MEI1: variants seen among roughly 807,000 people sequenced by gnomAD.
MEI1 encodes the protein meiotic double-stranded break formation protein 1.
A neutral mutation model predicts 146.2 loss-of-function variants in MEI1; 103 were observed. The ratio of observed to expected loss-of-function variants is 0.70; its 90% CI spans 0.60 to 0.83. The LOEUF is 0.83. Ranked by LOEUF, MEI1 falls within the 40% of genes least tolerant of loss-of-function variation. MEI1 has a pLI of 0.00. For missense variants in MEI1, 1,529 were observed against 1,533.0 expected (o/e 1.00, Z 0.04); for synonymous variants, 652 against 628.2 (o/e 1.04, Z -0.57).
At chr22:41,710,698 ATGT>A (rs923426312) in intron 3 of MEI1, among the ~76,000 whole-genome samples, 12 of 152,164 alleles carry the variant, frequency 7.9e-5, no homozygotes, top group South Asian at 2.1e-4. Context: ...AATCCAAGTG[ATGT>A]TGTGCAGAAT....
intron 4 of MEI1, among the ~76,000 whole-genome samples, chr22:41,714,586 G>C (rs1461680532): frequency 6.6e-6 from 1 of 151,988 alleles, no homozygotes; most frequent in Non-Finnish European, 1.5e-5. Flanking sequence ...AAAGAAATTA[G>C]TTAGCCAGGC....
At chr22:41,776,620 C>T (rs73885816) in intron 21 of MEI1, among the ~76,000 whole-genome samples, 1,581 of 152,096 alleles carry the variant, frequency 0.01, 27 homozygotes, top group African/African-American at 0.037. Flanking sequence ...AGCAGCAGTC[C>T]GCAGGGGCTG....
At position 41,730,558 on chromosome 22, in the gene MEI1, G is replaced by C. The variant is rs751757895; in HGVS notation, c.1017G>C (p.Val339=). The change falls in exon 9 of 31, where the codon GTG becomes GTC. Residue 339 remains valine, a synonymous_variant. Transcript: ENST00000401548. ...AGCATCTTTCTTCTTCCAGTGAAGTGCTCGTCTGGTCCAGCTGTAACTGCT... is the reference window on the plus strand; with the variant it reads ...AGCATCTTTCTTCTTCCAGTGAAGTCCTCGTCTGGTCCAGCTGTAACTGCT... ...LFEHLSSSSE[V]LVWSSCNCLT... is the part of the protein sequence containing the mutation. 1 of 1,613,840 alleles carries C rather than the reference G, an allele frequency of 6.2e-7. No individual in the cohort carries two copies. Among genetic ancestry groups the C allele is most frequent in the South Asian group, 1.1e-5 (1 of 91,078 alleles).
chr22:41,775,158 A>G (rs1434600827), intron 20 of MEI1, among the ~76,000 whole-genome samples: 4 of 152,198 alleles, frequency 2.6e-5, no homozygotes, highest in East Asian at 1.9e-4. Flanking sequence ...TGTCTTTAAC[A>G]TATACTCACT....
intron 4 of MEI1, 132 bp downstream of exon 4, chr22:41,714,207 G>T (rs2069878653): frequency 2.5e-6 from 2 of 805,790 alleles, no homozygotes; most frequent in Non-Finnish European, 4.0e-6. Context: ...TGAGTTGGTG[G>T]CAGAGTCAGA....
Position 41,737,741 on chromosome 22 carries a change from A to G in MEI1, c.1331+5138A>G, listed in dbSNP as rs200201180. On this transcript the variant is annotated intron_variant, in intron 11 of 30. Coordinates refer to ENST00000401548, the MANE Select transcript of MEI1 (RefSeq NM_152513.4). The stretch of plus-strand genomic sequence containing the variant: ...GTTTTGTACCCCGCCTCCCCCCACT[A>G]AAATATAAGCTCCAGGAGCTAAAGG... 1.6e-4 allele frequency among the ~76,000 whole-genome samples: 24 copies of G among 152,124 alleles called. No individual in the cohort carries two copies. In the East Asian group the frequency reaches 3.1e-3, roughly 20 times the overall value.
chr22:41,706,372 G>A (rs937140441), intron 3 of MEI1, among the ~76,000 whole-genome samples: 1 of 152,048 alleles, frequency 6.6e-6, no homozygotes, highest in Non-Finnish European at 1.5e-5. Flanking sequence ...CAGGCACTAC[G>A]GATACATAGA....
intron 3 of MEI1, among the ~76,000 whole-genome samples, chr22:41,710,323 G>C (rs905821230): frequency 2.0e-5 from 3 of 152,162 alleles, no homozygotes; most frequent in Admixed American, 6.5e-5. Flanking sequence ...AAGCCATCCA[G>C]TCTGTGGTAT....
Position 41,705,554 on chromosome 22 carries a change from G to T in MEI1, c.349G>T (p.Val117Phe). Residue 117 changes from valine to phenylalanine, a missense_variant and splice_region_variant, in exon 3 of 31, where the codon GTC becomes TTC. Physicochemically the swap from Val to Phe is conservative, Grantham distance 50. This residue lies in a region of MEI1 where 1,212 missense variants were observed against 1,178.9 expected (regional missense o/e 1.03). Transcript: ENST00000401548. Reference protein sequence around the residue: ...DGSVTDLCIEVLIQITTQLKL... With the variant: ...DGSVTDLCIEFLIQITTQLKL... ...GAGTGTGACAGACCTCTGTATTGAA[G>T]GTAAGTTGAAACCTTGTATCTAGCA... 1 of 1,612,882 alleles carries T rather than the reference G, an allele frequency of 6.2e-7. No individual in the cohort carries two copies. The highest frequency in any genetic ancestry group is 8.5e-7 in the Non-Finnish European group (1 of 1,179,046).
At chr22:41,733,129 CT>C (rs1400634531) in intron 11 of MEI1, among the ~76,000 whole-genome samples, 2 of 150,636 alleles carry the variant, frequency 1.3e-5, no homozygotes, top group African/African-American at 4.9e-5. Flanking sequence ...CACGTACAGA[CT>C]TTTTTTCTTG....
At chr22:41,757,546 G>A (rs775671187) in intron 17 of MEI1, among the ~76,000 whole-genome samples, 8 of 151,852 alleles carry the variant, frequency 5.3e-5, no homozygotes, top group Admixed American at 1.3e-4. Flanking sequence ...TTGTAGGGAC[G>A]GGGTTTCACT....
chr22:41,722,514 A>G (rs1175557419), intron 6 of MEI1, among the ~76,000 whole-genome samples: 1 of 132,554 alleles, frequency 7.5e-6, no homozygotes, highest in Non-Finnish European at 1.5e-5. Flanking sequence ...CACTATGCTC[A>G]TAAGCTGTTT....
chr22:41,749,357 C>T (rs1476707901), intron 15 of MEI1, among the ~76,000 whole-genome samples: 1 of 151,918 alleles, frequency 6.6e-6, no homozygotes, highest in Admixed American at 6.6e-5. Flanking sequence ...CTCACCGCAA[C>T]CTCCGCCTCC....
At chr22:41,716,287 T>C in intron 5 of MEI1, 141 bp downstream of exon 5, 1 of 585,442 alleles carries the variant, frequency 1.7e-6, no homozygotes, top group Non-Finnish European at 3.0e-6. Flanking sequence ...CTGCAAAATG[T>C]ACTGTATGTC....
chr22:41,703,295 G>T, intron 1 of MEI1, 36 bp from the exon 2 acceptor site: 1 of 1,602,694 alleles, frequency 6.2e-7, no homozygotes. Flanking sequence ...GCCAAAATTT[G>T]GTTGCTATTG....
chr22:41,774,363 C>G (rs2075336059), intron 20 of MEI1: 1 of 152,220 alleles, frequency 6.6e-6, no homozygotes. Context: ...GGGACCACCT[C>G]TGTGGCAGTG....
At chr22:41,734,676 C>T (rs962478285) in intron 11 of MEI1, among the ~76,000 whole-genome samples, 3 of 152,122 alleles carry the variant, frequency 2.0e-5, no homozygotes, top group African/African-American at 4.8e-5. Flanking sequence ...TTCGCTCTGT[C>T]GCCCAGGCTG....
chr22:41,739,655 C>G (rs1483466595), intron 11 of MEI1, among the ~76,000 whole-genome samples: 1 of 151,804 alleles, frequency 6.6e-6, no homozygotes, highest in Non-Finnish European at 1.5e-5. Context: ...GACATGAATT[C>G]TAGAGTGGGA....
At chr22:41,706,025 C>T (rs995247601) in intron 3 of MEI1, among the ~76,000 whole-genome samples, 1 of 150,038 alleles carries the variant, frequency 6.7e-6, no homozygotes, top group Non-Finnish European at 1.5e-5. Context: ...TTCTCTCTCT[C>T]TTCTTTTTGT....
Sources: gnomAD v4.1 joint callset for allele counts (sites outside exome capture counted in the v4.1 genomes callset) on GRCh38, gnomAD v4.1.1 for gene constraint, gnomAD v4.1.1 regional missense constraint, MANE v1.5 for transcripts, NCBI Gene and HGNC (gene_info 2026-07-23, HGNC 2026-07-21) for gene names.